GATM: variants seen among roughly 807,000 people sequenced by gnomAD.
GATM encodes the protein glycine amidinotransferase.
A neutral mutation model predicts 54.2 loss-of-function variants in GATM; 23 were observed. The ratio of observed to expected loss-of-function variants is 0.42; its 90% CI spans 0.31 to 0.60. GATM has a LOEUF of 0.60. GATM is among the 20% of genes least tolerant of loss of function. The probability of loss-of-function intolerance (pLI) is 0.14; values close to 1 mark genes in which losing one functional copy is unlikely to be tolerated. For missense variants in GATM, 401 were observed against 544.9 expected (o/e 0.74, Z 2.63); for synonymous variants, 168 against 183.1 (o/e 0.92, Z 0.67).
chr15:45,366,538 T>G, intron 4 of GATM, 30 bp from the exon 5 acceptor site: 2 of 1,612,806 alleles, frequency 1.2e-6, no homozygotes, highest in Non-Finnish European at 1.7e-6. Flanking sequence ...ACACACACAA[T>G]GCACTGGATC....
At chr15:45,397,681 A>G (rs969056498) in intron 2 of GATM, among the ~76,000 whole-genome samples, 5 of 152,216 alleles carry the variant, frequency 3.3e-5, no homozygotes, top group Non-Finnish European at 5.9e-5. Context: ...CCATCCTAGT[A>G]AATTAATAGA....
intron 3 of GATM, among the ~76,000 whole-genome samples, chr15:45,392,308 T>C (rs1377520135): frequency 6.6e-6 from 1 of 152,216 alleles, no homozygotes; most frequent in Non-Finnish European, 1.5e-5. Flanking sequence ...GTTCCTACAG[T>C]GCGCATTCTC....
Sources: gnomAD v4.1 joint callset for allele counts (sites outside exome capture counted in the v4.1 genomes callset) on GRCh38, gnomAD v4.1.1 for gene constraint, MANE v1.5 for transcripts, NCBI Gene and HGNC (gene_info 2026-07-23, HGNC 2026-07-21) for gene names.